ADAMTS18: variants seen among roughly 807,000 people sequenced by gnomAD.
ADAMTS18 encodes ADAM metallopeptidase with thrombospondin type 1 motif 18.
A neutral mutation model predicts 165.9 loss-of-function variants in ADAMTS18; 157 were observed. The observed-to-expected ratio is 0.95, with a 90% CI of 0.83 to 1.08. The LOEUF is 1.08. Among genes scored for constraint, ADAMTS18 ranks in the 50% least tolerant of loss-of-function variants. The pLI, the probability that ADAMTS18 is intolerant of heterozygous loss-of-function variation, is 0.00. For synonymous variants in ADAMTS18, 782 were observed against 578.2 expected, an observed-to-expected ratio of 1.35 and a Z score of -5.06; for missense variants, 2,040 against 1,534.0, an observed-to-expected ratio of 1.33 and a Z score of -5.51.
intron 4 of ADAMTS18, 110 bp downstream of exon 4, chr16:77,367,331 T>C (rs2056809626): frequency 8.3e-7 from 1 of 1,204,396 alleles, no homozygotes; most frequent in Non-Finnish European, 1.2e-6. Context: ...CCAAGACAGA[T>C]GCTCAGGGTA....
intron 13 of ADAMTS18, among the ~76,000 whole-genome samples, chr16:77,323,704 C>T (rs1021936843): frequency 1.1e-4 from 16 of 152,078 alleles, no homozygotes; most frequent in African/African-American, 3.6e-4. Context: ...TTCTAAATTG[C>T]AGGAATGTCA....
chr16:77,364,342 A>T lies in ADAMTS18; in HGVS notation c.818T>A (p.Phe273Tyr), dbSNP rs2056761173. The part of the protein sequence containing the change: ...KPPTEDTYLR[F>Y]DEYGSSGRPR... ...TCGCCCAGAGCTCCCATATTCATCA[A>T]ACCTTAGATAGGTGTCCTCTGTGGG... The change falls in exon 5 of 23, where the codon TTT (phenylalanine) becomes TAT (tyrosine). Residue 273 changes from phenylalanine to tyrosine, a missense_variant. Coordinates refer to ENST00000282849, the MANE Select transcript of ADAMTS18 (RefSeq NM_199355.4). The T allele has an allele frequency of 6.2e-7, 1 of 1,613,852 alleles. No homozygotes were observed. Among genetic ancestry groups the T allele is most frequent in the East Asian group, 2.2e-5 (1 of 44,864 alleles).
intron 16 of ADAMTS18, among the ~76,000 whole-genome samples, chr16:77,308,313 G>C (rs917698546): frequency 6.6e-6 from 1 of 152,272 alleles, no homozygotes; most frequent in Non-Finnish European, 1.5e-5. Flanking sequence ...TTATCAGACA[G>C]GGATGAAGTT....
chr16:77,307,105 T>A (rs1597102147), intron 16 of ADAMTS18, among the ~76,000 whole-genome samples: 1 of 152,250 alleles, frequency 6.6e-6, no homozygotes, highest in African/African-American at 2.4e-5. Context: ...ATACTTGATC[T>A]CCTCAATCAA....
intron 22 of ADAMTS18, among the ~76,000 whole-genome samples, chr16:77,284,317 G>C (rs936112574): frequency 5.3e-5 from 8 of 151,904 alleles, no homozygotes; most frequent in African/African-American, 1.9e-4. Context: ...GTAGAGACGG[G>C]GTTTTCCACC....
intron 3 of ADAMTS18, among the ~76,000 whole-genome samples, chr16:77,386,431 T>A (rs2057108578): frequency 6.6e-6 from 1 of 152,230 alleles, no homozygotes. Context: ...AACTTTTCCC[T>A]AGAGGAATTT....
chr16:77,302,555 A>G (rs1388697447), intron 16 of ADAMTS18, among the ~76,000 whole-genome samples: 11 of 152,214 alleles, frequency 7.2e-5, no homozygotes. Context: ...CTATACAGAA[A>G]GAAATTAACT....
At chr16:77,322,625 G>A (rs975164507) in intron 13 of ADAMTS18, among the ~76,000 whole-genome samples, 159 bp from the exon 14 acceptor site, 1 of 152,168 alleles carries the variant, frequency 6.6e-6, no homozygotes, top group African/African-American at 2.4e-5. Context: ...TGTGGCTTTC[G>A]AAGCATGAGT....
chr16:77,295,474 G>A (rs1214937634), intron 18 of ADAMTS18, among the ~76,000 whole-genome samples: 1 of 152,138 alleles, frequency 6.6e-6, no homozygotes, highest in Non-Finnish European at 1.5e-5. Context: ...AAAAATTAAG[G>A]CAGCAGCCTT....
At chr16:77,300,217 T>G (rs752086512) in intron 17 of ADAMTS18, 46 bp downstream of exon 17, 4 of 1,612,054 alleles carry the variant, frequency 2.5e-6, no homozygotes, top group Admixed American at 3.3e-5. Flanking sequence ...AAAGAACCTG[T>G]TTTAAGAGAG....
At chr16:77,420,721 G>C (rs1428774005) in intron 3 of ADAMTS18, among the ~76,000 whole-genome samples, 1 of 152,198 alleles carries the variant, frequency 6.6e-6, no homozygotes, top group Non-Finnish European at 1.5e-5. Context: ...AAGAGTGAAA[G>C]TATATTGTGG....
At chr16:77,313,304 G>A (rs1567473398) in intron 16 of ADAMTS18, among the ~76,000 whole-genome samples, 1 of 151,942 alleles carries the variant, frequency 6.6e-6, no homozygotes, top group Non-Finnish European at 1.5e-5. Flanking sequence ...TCGGGTGGGG[G>A]CAGGGGGGAA....
At chr16:77,429,538 T>C (rs982007433) in intron 3 of ADAMTS18, among the ~76,000 whole-genome samples, 1 of 152,172 alleles carries the variant, frequency 6.6e-6, no homozygotes, top group Non-Finnish European at 1.5e-5. Context: ...CCTTGTGACA[T>C]GAGTTCACCC....
chr16:77,353,909 T>C, intron 9 of ADAMTS18, 23 bp from the exon 10 acceptor site: 5 of 1,614,046 alleles, frequency 3.1e-6, no homozygotes, highest in Non-Finnish European at 4.2e-6. Flanking sequence ...TACATGCTTA[T>C]TAATTACTCT....
rs747748120 is a variant in ADAMTS18 at position 77,319,962 on chromosome 16, C to T, written c.2419G>A (p.Asp807Asn). 16 of 1,614,040 alleles carry T rather than the reference C, an allele frequency of 9.9e-6. No individual in the cohort carries two copies. The highest frequency in any genetic ancestry group is 2.2e-5 in the South Asian group (2 of 91,080). The change falls in exon 16 of 23, where the codon GAC becomes AAC. Residue 807 changes from aspartate (D) to asparagine (N), a missense_variant. Physicochemically the swap from Asp to Asn is conservative, Grantham distance 23 (BLOSUM62 1). Transcript: ENST00000282849. ...GCGAAGGGGAACTCCCCAGGCCAGT[C>T]GATGCTCCAGCCCCCGGTGAGGTAA... ...KYYLTGGWSI[D>N]WPGEFPFAGT...
intron 3 of ADAMTS18, among the ~76,000 whole-genome samples, chr16:77,425,765 G>A (rs538847026): frequency 2.0e-5 from 3 of 152,234 alleles, no homozygotes; most frequent in South Asian, 2.1e-4. Context: ...GGAGTGGGCC[G>A]GGCACGGTGG....
chr16:77,334,812 CAG>C (rs2056276898), intron 12 of ADAMTS18, among the ~76,000 whole-genome samples: 2 of 115,852 alleles, frequency 1.7e-5, no homozygotes, highest in Admixed American at 2.0e-4. Flanking sequence ...CTATAGTATA[CAG>C]TATATATACT....
chr16:77,400,242 C>A (rs553657177), intron 3 of ADAMTS18, among the ~76,000 whole-genome samples: 2 of 152,134 alleles, frequency 1.3e-5, no homozygotes, highest in East Asian at 3.9e-4. Context: ...TTGCCTCCAG[C>A]AGACCACATC....
intron 3 of ADAMTS18, among the ~76,000 whole-genome samples, chr16:77,372,718 A>G (rs772909391): frequency 8.5e-5 from 13 of 152,198 alleles, no homozygotes; most frequent in South Asian, 8.3e-4. Context: ...CCCAGCCATC[A>G]TATCTTCAGG....
Sources: gnomAD v4.1 joint callset for allele counts (sites outside exome capture counted in the v4.1 genomes callset) on GRCh38, gnomAD v4.1.1 for gene constraint, MANE v1.5 for transcripts, NCBI Gene and HGNC (gene_info 2026-07-23, HGNC 2026-07-21) for gene names.